The following THADA variants were observed in gnomAD, a reference collection of about 807,000 sequenced individuals.
The protein encoded by THADA is THADA armadillo repeat containing.
A neutral mutation model predicts 219.8 loss-of-function variants in THADA; 213 were observed. The observed-to-expected ratio is 0.97, with a 90% CI of 0.87 to 1.09. The LOEUF (loss-of-function observed/expected upper bound fraction) is 1.09. Ranked by LOEUF, THADA falls within the 50% of genes least tolerant of loss-of-function variation. THADA has a pLI of 0.00. For missense variants in THADA, 2,956 were observed against 2,311.3 expected (o/e 1.28, Z -5.72); for synonymous variants, 1,018 against 828.9 (o/e 1.23, Z -3.92).
chr2:43,437,044 T>A (rs760884328), intron 26 of THADA, among the ~76,000 whole-genome samples: 6 of 152,206 alleles, frequency 3.9e-5, no homozygotes, highest in Non-Finnish European at 8.8e-5. Context: ...CCCAGAGATA[T>A]AAGCAACTCA....
At chr2:43,435,185 C>T (rs905725293) in intron 26 of THADA, among the ~76,000 whole-genome samples, 1 of 152,166 alleles carries the variant, frequency 6.6e-6, no homozygotes, top group African/African-American at 2.4e-5. Flanking sequence ...CCAGGCGCAG[C>T]GGCTCACGAC....
intron 26 of THADA, among the ~76,000 whole-genome samples, chr2:43,453,900 A>G (rs1184882761): frequency 6.6e-6 from 1 of 152,142 alleles, no homozygotes; most frequent in Non-Finnish European, 1.5e-5. Context: ...CACTTTCTAC[A>G]TTTTGTTTTT....
chr2:43,278,644 T>C (rs561798098), intron 36 of THADA, among the ~76,000 whole-genome samples: 1 of 152,312 alleles, frequency 6.6e-6, no homozygotes, highest in Non-Finnish European at 1.5e-5. Flanking sequence ...CCTGCCCTGG[T>C]GCGGTATCAC....
intron 31 of THADA, 61 bp downstream of exon 31, chr2:43,320,385 C>G: frequency 7.6e-7 from 1 of 1,307,948 alleles, no homozygotes; most frequent in Non-Finnish European, 1.1e-6. Context: ...CCACTCAAAA[C>G]GCCATCCACA....
chr2:43,515,640 C>G (rs1226678345), intron 22 of THADA, among the ~76,000 whole-genome samples: 1 of 151,138 alleles, frequency 6.6e-6, no homozygotes, highest in Non-Finnish European at 1.5e-5. Context: ...AACTGGAGAT[C>G]TACAAAGGAA....
chr2:43,310,137 C>T (rs1287805064), intron 31 of THADA, among the ~76,000 whole-genome samples: 1 of 151,840 alleles, frequency 6.6e-6, no homozygotes, highest in Non-Finnish European at 1.5e-5. Context: ...TGGCAGTACT[C>T]TTCAAATTGA....
intron 31 of THADA, among the ~76,000 whole-genome samples, chr2:43,299,319 A>G (rs1675971624): frequency 6.6e-6 from 1 of 152,202 alleles, no homozygotes. Context: ...TGCTTCAAAG[A>G]GCTTTAAGAC....
chr2:43,588,557 G>T (rs934698296), intron 4 of THADA, among the ~76,000 whole-genome samples: 9 of 152,016 alleles, frequency 5.9e-5, no homozygotes, highest in African/African-American at 2.2e-4. Flanking sequence ...AATGTACAAA[G>T]AATATGTAAT....
At position 43,552,235 on chromosome 2, in the gene THADA, T is replaced by C. The variant is rs1574223230; in HGVS notation, c.2779A>G (p.Ile927Val). Reference protein sequence around the residue: ...AFPMYGRVHCITGALQKLSLN... With the variant: ...AFPMYGRVHCVTGALQKLSLN... ...GATAACTTCTGCAAAGCTCCTGTTA[T>C]ACAGTGGACTCGCCCATACATTGGA... Residue 927 changes from isoleucine (I) to valine (V), a missense_variant, in exon 18 of 38, where the codon ATA becomes GTA. By Grantham distance (29) the Ile-to-Val change is conservative. Transcript: ENST00000405975. 2.5e-6 allele frequency: 4 copies of C among 1,611,130 alleles called. No individual in the cohort carries two copies. The highest frequency in any genetic ancestry group is 1.7e-5 in the Admixed American group (1 of 59,184).
At chr2:43,573,047 A>C in intron 11 of THADA, 55 bp from the exon 12 acceptor site, 1 of 1,323,210 alleles carries the variant, frequency 7.6e-7, no homozygotes, top group Non-Finnish European at 1.0e-6. Flanking sequence ...TACTATAATT[A>C]TCAGCTGCTA....
chr2:43,550,271 CATCT>C (rs1553486187), intron 19 of THADA, among the ~76,000 whole-genome samples: 1 of 152,158 alleles, frequency 6.6e-6, no homozygotes, highest in Non-Finnish European at 1.5e-5. Flanking sequence ...ATTTATTGTA[CATCT>C]ATTATTTTGA....
intron 22 of THADA, among the ~76,000 whole-genome samples, chr2:43,524,997 G>A (rs1692976138): frequency 6.6e-6 from 1 of 152,142 alleles, no homozygotes; most frequent in African/African-American, 2.4e-5. Context: ...AAAACTCACA[G>A]ATCTACATCT....
intron 26 of THADA, among the ~76,000 whole-genome samples, chr2:43,436,540 C>A (rs1459863710): frequency 6.6e-6 from 1 of 152,194 alleles, no homozygotes; most frequent in African/African-American, 2.4e-5. Flanking sequence ...TGGCTCCAAG[C>A]ACCTGTCAAT....
intron 3 of THADA, among the ~76,000 whole-genome samples, 170 bp downstream of exon 3, chr2:43,591,782 G>T (rs1701601668): frequency 6.6e-6 from 1 of 151,298 alleles, no homozygotes; most frequent in Admixed American, 6.6e-5. Context: ...TTCTATTGCT[G>T]CTTTGAATAC....
chr2:43,351,189 C>T (rs1668213809), intron 29 of THADA, among the ~76,000 whole-genome samples: 2 of 152,204 alleles, frequency 1.3e-5, no homozygotes, highest in Non-Finnish European at 2.9e-5. Flanking sequence ...TAAAGCCAAG[C>T]TCTGAGGACA....
At chr2:43,280,918 G>T (rs1363831130) in intron 35 of THADA, among the ~76,000 whole-genome samples, 3 of 152,356 alleles carry the variant, frequency 2.0e-5, no homozygotes, top group Non-Finnish European at 4.4e-5. Flanking sequence ...CAACAGGAAA[G>T]ATGAGAGTGG....
At chr2:43,271,663 G>C (rs1054122763) in intron 36 of THADA, among the ~76,000 whole-genome samples, 2 of 145,416 alleles carry the variant, frequency 1.4e-5, no homozygotes, top group African/African-American at 5.1e-5. Flanking sequence ...TGCCCAGGCT[G>C]GAGTGAAGTG....
chr2:43,391,416 TCTC>T (rs1322890837), intron 29 of THADA, among the ~76,000 whole-genome samples: 2 of 152,138 alleles, frequency 1.3e-5, no homozygotes, highest in African/African-American at 4.8e-5. Flanking sequence ...CTAAAAGCTG[TCTC>T]CAACACCCAG....
At chr2:43,472,182 T>C (rs1338008894) in intron 26 of THADA, among the ~76,000 whole-genome samples, 1 of 152,222 alleles carries the variant, frequency 6.6e-6, no homozygotes, top group Non-Finnish European at 1.5e-5. Context: ...AGTTTGGCAG[T>C]GCATGACAGC....
Sources: gnomAD v4.1 joint callset for allele counts (sites outside exome capture counted in the v4.1 genomes callset) on GRCh38, gnomAD v4.1.1 for gene constraint, MANE v1.5 for transcripts, NCBI Gene and HGNC (gene_info 2026-07-23, HGNC 2026-07-21) for gene names.